CIBAR2: variants seen among roughly 807,000 people sequenced by gnomAD.
The protein encoded by CIBAR2 is CBY1-interacting BAR domain-containing protein 2.
A neutral mutation model predicts 36.2 loss-of-function variants in CIBAR2; 38 were observed. That is an observed-to-expected ratio of 1.05 (90% CI 0.81 to 1.38). The LOEUF (loss-of-function observed/expected upper bound fraction) is 1.38, where lower values mean the gene tolerates loss of function less well. Among genes scored for constraint, CIBAR2 ranks in the 40% most tolerant of loss-of-function variants. CIBAR2 has a pLI of 0.00. For missense variants in CIBAR2, 481 were observed against 383.4 expected (o/e 1.25, Z -2.13); for synonymous variants, 182 against 149.5 (o/e 1.22, Z -1.58).
chr16:85,106,727 G>A (rs1256690539), intron 5 of CIBAR2, among the ~76,000 whole-genome samples: 1 of 152,222 alleles, frequency 6.6e-6, no homozygotes, highest in African/African-American at 2.4e-5. Flanking sequence ...CCTCCTGAAC[G>A]GTGAGAGTCC....
chr16:85,107,213 A>G (rs568689750), intron 5 of CIBAR2, among the ~76,000 whole-genome samples: 1 of 152,192 alleles, frequency 6.6e-6, no homozygotes, highest in South Asian at 2.1e-4. Context: ...AGTTACACAT[A>G]CAGCAGCGGT....
intron 6 of CIBAR2, among the ~76,000 whole-genome samples, chr16:85,103,798 G>A (rs1029982784): frequency 4.6e-5 from 7 of 152,192 alleles, no homozygotes; most frequent in African/African-American, 1.2e-4. Flanking sequence ...GCTGGGATTC[G>A]GCAGGGGTCC....
At chr16:85,109,200 C>T (rs2074021381) in intron 2 of CIBAR2, among the ~76,000 whole-genome samples, 1 of 152,086 alleles carries the variant, frequency 6.6e-6, no homozygotes, top group Admixed American at 6.6e-5. Flanking sequence ...AGCTTGACCC[C>T]AGGAGTTCAA....
At chr16:85,100,898 T>G (rs2073950265) in intron 7 of CIBAR2, among the ~76,000 whole-genome samples, 1 of 152,020 alleles carries the variant, frequency 6.6e-6, no homozygotes, top group African/African-American at 2.4e-5. Context: ...ATACATAACA[T>G]TAGCTGGGCG....
In CIBAR2 at chr16:85,099,134, G is replaced by A; in HGVS notation, c.*51C>T. The A allele has an allele frequency of 6.9e-7, 1 of 1,456,606 alleles. No homozygotes were observed. Among genetic ancestry groups the A allele is most frequent in the Non-Finnish European group, 9.1e-7 (1 of 1,102,334 alleles). The allele number at this position is 1,456,606 out of a possible 1,614,324, so 90.2% of individuals were successfully genotyped here. A position where few individuals can be genotyped will look rare whatever the true frequency, so the allele number is the denominator to read the frequency against. On this transcript the variant is annotated 3_prime_UTR_variant, in exon 9 of 9. Transcript: ENST00000539556. ...TCAGAAAATAAGAACAAAGCCTCCA[G>A]GCAGTCTGGGATTATTTTAAACGGC...
At chr16:85,102,367 G>T in intron 6 of CIBAR2, 40 bp from the exon 7 acceptor site, 1 of 1,268,246 alleles carries the variant, frequency 7.9e-7, no homozygotes, top group African/African-American at 1.5e-5. Flanking sequence ...GCATCGCAGT[G>T]AGAAAGAGCC....
At position 85,098,784 on chromosome 16, in the gene CIBAR2, G is replaced by C. The variant is rs889322521; in HGVS notation, c.*401C>G. 4 of 296,480 alleles carry C rather than the reference G, an allele frequency of 1.3e-5. No homozygotes were observed. Among genetic ancestry groups the C allele is most frequent in the Non-Finnish European group, 2.0e-5 (4 of 199,990 alleles). The allele number at this position is 296,480 out of a possible 1,614,324, so 18.4% of individuals were successfully genotyped here. A position where few individuals can be genotyped will look rare whatever the true frequency, so the allele number is the denominator to read the frequency against. ...CAACAGGCCGGGTTTTCTGTGCTTC[G>C]TATAGATCTGTTCATCTGATACTCA... On this transcript the variant is annotated 3_prime_UTR_variant, in exon 9 of 9. Transcript: ENST00000539556.
intron 2 of CIBAR2, among the ~76,000 whole-genome samples, chr16:85,108,788 C>A (rs182698207): frequency 6.6e-6 from 1 of 152,268 alleles, no homozygotes; most frequent in South Asian, 2.1e-4. Context: ...GCAGGAGAAT[C>A]GCTTGAACCT....
rs138142092 is a variant in CIBAR2 at position 85,110,364 on chromosome 16, C to T, written c.117G>A (p.Thr39=). 739 of 1,613,350 alleles carry T rather than the reference C, an allele frequency of 4.6e-4. No individual in the cohort carries two copies. Among genetic ancestry groups the T allele is most frequent in the Non-Finnish European group, 5.9e-4 (695 of 1,179,792 alleles). The change falls in exon 2 of 9, where the codon ACG becomes ACA. Residue 39 remains threonine, a synonymous_variant. Transcript: ENST00000539556. ...CSLLAAYTRK[T]ARLRDKADQL... is the part of the protein sequence containing the mutation. ...GGTCCGCCTTGTCCCGCAGCCGGGCCGTCTTGCGCGTGTAGGCGGCCAGCA... is the reference window on the plus strand; with the variant it reads ...GGTCCGCCTTGTCCCGCAGCCGGGCTGTCTTGCGCGTGTAGGCGGCCAGCA...
intron 2 of CIBAR2, among the ~76,000 whole-genome samples, chr16:85,108,673 G>C (rs2074017024): frequency 6.6e-6 from 1 of 152,138 alleles, no homozygotes; most frequent in African/African-American, 2.4e-5. Flanking sequence ...AGGAGTTCAA[G>C]ACCAGCCTGG....
chr16:85,109,820 G>A (rs964106507), intron 2 of CIBAR2, among the ~76,000 whole-genome samples: 3 of 152,102 alleles, frequency 2.0e-5, no homozygotes, highest in African/African-American at 7.2e-5. Flanking sequence ...ACAATTCATG[G>A]TGAGGAGTTT....
At chr16:85,111,677 C>G (rs62051666) in intron 1 of CIBAR2, among the ~76,000 whole-genome samples, 28,981 of 152,174 alleles carry the variant, frequency 0.19, 2,917 homozygotes, top group Middle Eastern at 0.24. Context: ...GAAACCCCGT[C>G]TCTACTAAAA....
rs563040236 is a variant in CIBAR2, at chr16:85,100,963, C to T, written c.652-723G>A. Among the ~76,000 whole-genome samples, 4 of 152,126 alleles carry T rather than the reference C, an allele frequency of 2.6e-5. No individual in the cohort carries two copies. In the East Asian group the frequency reaches 7.8e-4, roughly 30 times the overall value. ...TCGGGAGGCGGAGGCAGGAGAATGG[C>T]TTGAACCTGGGAGGCGGAGTTGCAG... On this transcript the variant is annotated intron_variant, in intron 7 of 8. Transcript: ENST00000539556.
At chr16:85,099,823 G>C (rs1165400302) in intron 8 of CIBAR2, among the ~76,000 whole-genome samples, 1 of 71,560 alleles carries the variant, frequency 1.4e-5, no homozygotes, top group Non-Finnish European at 2.6e-5. Flanking sequence ...TTTTTTTTTA[G>C]TAGAGATGGG....
intron 5 of CIBAR2, 104 bp from the exon 6 acceptor site, chr16:85,105,535 T>C: frequency 1.2e-6 from 1 of 800,538 alleles, no homozygotes; most frequent in South Asian, 1.6e-5. Context: ...TCAGGCCAGT[T>C]CTCCTGCCTC....
At chr16:85,102,907 T>A (rs71386890) in intron 6 of CIBAR2, among the ~76,000 whole-genome samples, 15,669 of 83,270 alleles carry the variant, frequency 0.19, 991 homozygotes, top group African/African-American at 0.24. Flanking sequence ...CACAGGAGGC[T>A]TTTTTTTTTT....
At chr16:85,111,036 G>A (rs1321418568) in intron 1 of CIBAR2, among the ~76,000 whole-genome samples, 2 of 151,888 alleles carry the variant, frequency 1.3e-5, no homozygotes, top group African/African-American at 4.8e-5. Context: ...CCAATCCGGC[G>A]CCCCCCTGCA....
chr16:85,105,631 C>G (rs1011641781), intron 5 of CIBAR2, among the ~76,000 whole-genome samples, 200 bp from the exon 6 acceptor site: 12 of 152,320 alleles, frequency 7.9e-5, no homozygotes, highest in Non-Finnish European at 1.2e-4. Context: ...GTGAGACACA[C>G]CTGCTTGCTA....
At chr16:85,102,093 G>T in intron 7 of CIBAR2, 121 bp downstream of exon 7, 2 of 637,028 alleles carry the variant, frequency 3.1e-6, no homozygotes, top group Admixed American at 2.9e-5. Flanking sequence ...TCATCAGCAT[G>T]AGTCTTCAAA....
Sources: allele counts gnomAD v4.1 joint callset (sites outside exome capture counted in the v4.1 genomes callset), GRCh38; gene constraint gnomAD v4.1.1; transcripts MANE v1.5; gene names NCBI Gene and HGNC (gene_info 2026-07-23, HGNC 2026-07-21).